CAST: variants seen among roughly 807,000 people sequenced by gnomAD.
CAST encodes the protein calpastatin.
In CAST, 76 loss-of-function variants were observed where a neutral mutation model predicts 119.6. The ratio of observed to expected loss-of-function variants is 0.64; its 90% CI spans 0.53 to 0.77. The LOEUF is 0.77. CAST is among the 30% of genes least tolerant of loss of function. CAST has a pLI of 0.00. For synonymous variants in CAST, 319 were observed against 331.6 expected (o/e 0.96, Z 0.41); for missense variants, 953 against 946.5 (o/e 1.01, Z -0.09).
the CAST span, among the ~76,000 whole-genome samples, chr5:96,486,901 A>G: frequency 6.6e-6 from 1 of 152,100 alleles, no homozygotes; most frequent in African/African-American, 2.4e-5. Context: ...AAAGAGAAGC[A>G]CAAGGCCAAA....
the CAST span, among the ~76,000 whole-genome samples, chr5:96,286,734 A>T: frequency 6.6e-6 from 1 of 152,114 alleles, no homozygotes; most frequent in Non-Finnish European, 1.5e-5. Context: ...CCTGAAATCC[A>T]ATTTATGGTC....
intron 1 of CAST, among the ~76,000 whole-genome samples, chr5:96,607,026 C>T (rs1747270135): frequency 6.6e-6 from 1 of 152,192 alleles, no homozygotes; most frequent in African/African-American, 2.4e-5. Flanking sequence ...CGGTAGCTCA[C>T]GCCTGTAATC....
chr5:96,664,359 ATG>A (rs750131994), intron 1 of CAST, among the ~76,000 whole-genome samples: 7 of 151,590 alleles, frequency 4.6e-5, no homozygotes, highest in Non-Finnish European at 7.4e-5. Flanking sequence ...ATGTAAATAT[ATG>A]TGTGTGTGCA....
the CAST span, among the ~76,000 whole-genome samples, chr5:96,509,986 A>T: frequency 6.6e-6 from 1 of 152,182 alleles, no homozygotes; most frequent in South Asian, 2.1e-4. Context: ...GACTTTTATA[A>T]CGTTGTGGAT....
At chr5:96,227,721 G>T in the CAST span, among the ~76,000 whole-genome samples, 1 of 152,108 alleles carries the variant, frequency 6.6e-6, no homozygotes, top group Non-Finnish European at 1.5e-5. Context: ...AAAATTACAT[G>T]GTAGCCTGGA....
the CAST span, among the ~76,000 whole-genome samples, chr5:96,075,476 T>C: frequency 6.6e-6 from 1 of 152,194 alleles, no homozygotes; most frequent in East Asian, 1.9e-4. Flanking sequence ...TCAATAATTA[T>C]GTAATTAATT....
At chr5:96,710,868 TAA>T (rs575756523) in intron 3 of CAST, among the ~76,000 whole-genome samples, 3 of 145,220 alleles carry the variant, frequency 2.1e-5, no homozygotes, top group East Asian at 2.0e-4. Context: ...CCACATCACT[TAA>T]AAAAAAAAAA....
At chr5:96,676,359 G>A (rs1389991414) in intron 2 of CAST, among the ~76,000 whole-genome samples, 2 of 152,190 alleles carry the variant, frequency 1.3e-5, no homozygotes, top group African/African-American at 4.8e-5. Context: ...AATTTGGAAA[G>A]CATCAAGTGA....
intron 3 of CAST, among the ~76,000 whole-genome samples, chr5:96,702,168 G>A (rs1001762423): frequency 2.0e-5 from 3 of 151,968 alleles, no homozygotes; most frequent in Non-Finnish European, 2.9e-5. Flanking sequence ...GTTGGTGTAC[G>A]GCTTTTCATT....
Position 96,774,442 on chromosome 5 carries a change from TAC to T in CAST, c.*1828_*1829del. On this transcript the variant is annotated 3_prime_UTR_variant, in exon 32 of 32. Coordinates refer to ENST00000675179, the MANE Select transcript of CAST (RefSeq NM_001750.7). Reference sequence around the variant, plus strand: ...CTACAGGATCTAAAGCAGCCCTTTTTACAGTCTAGTTAGGAGAGAGAAAATAA... The same window carrying T: ...CTACAGGATCTAAAGCAGCCCTTTTTAGTCTAGTTAGGAGAGAGAAAATAA... The T allele has an allele frequency of 1.1e-6, 1 of 911,932 alleles. No individual in the cohort carries two copies. Among genetic ancestry groups the T allele is most frequent in the Non-Finnish European group, 1.3e-6 (1 of 760,966 alleles). 56.5% of individuals were successfully genotyped at this position (911,932 alleles called of 1,614,324 possible). A position where few individuals can be genotyped will look rare whatever the true frequency, so the allele number is the denominator to read the frequency against.
At chr5:96,005,635 G>A in the CAST span, among the ~76,000 whole-genome samples, 6 of 152,118 alleles carry the variant, frequency 3.9e-5, no homozygotes, top group East Asian at 3.9e-4. Context: ...TATCAGTTAC[G>A]TTGATTAAAA....
At chr5:96,371,085 A>C in the CAST span, among the ~76,000 whole-genome samples, 3 of 152,212 alleles carry the variant, frequency 2.0e-5, no homozygotes, top group South Asian at 2.1e-4. Flanking sequence ...CCAGTTACAA[A>C]GGAAACAGCT....
the CAST span, among the ~76,000 whole-genome samples, chr5:96,061,949 C>G: frequency 6.7e-4 from 102 of 152,226 alleles, no homozygotes; most frequent in Non-Finnish European, 1.2e-3. Flanking sequence ...AATCTCCATT[C>G]CCATTATGCA....
At chr5:96,412,752 G>GTTTTGTTTTTTTTT in the CAST span, among the ~76,000 whole-genome samples, 9 of 71,810 alleles carry the variant, frequency 1.3e-4, no homozygotes, top group African/African-American at 7.2e-4. Context: ...CAGCTGTGAT[G>GTTTTGTTTTTTTTT]TTTTTTTTTT....
the CAST span, among the ~76,000 whole-genome samples, chr5:96,216,657 C>G: frequency 6.6e-6 from 1 of 152,234 alleles, no homozygotes; most frequent in East Asian, 1.9e-4. Context: ...TTTTTAAAAT[C>G]AGGAAGTCTT....
chr5:96,246,942 G>T, the CAST span, among the ~76,000 whole-genome samples: 2 of 152,136 alleles, frequency 1.3e-5, no homozygotes, highest in African/African-American at 4.8e-5. Flanking sequence ...TCTTTTCATA[G>T]CAAGCATTAA....
the CAST span, among the ~76,000 whole-genome samples, chr5:96,400,744 T>G: frequency 6.6e-6 from 1 of 152,210 alleles, no homozygotes; most frequent in Non-Finnish European, 1.5e-5. Flanking sequence ...TGCAAGGCAC[T>G]ATGCTAATAC....
chr5:96,040,510 T>C, the CAST span, among the ~76,000 whole-genome samples: 2 of 152,152 alleles, frequency 1.3e-5, no homozygotes, highest in East Asian at 3.9e-4. Flanking sequence ...GCTGTAGGTT[T>C]GTCCTAAATA....
At chr5:96,478,839 G>A in the CAST span, among the ~76,000 whole-genome samples, 2 of 152,072 alleles carry the variant, frequency 1.3e-5, no homozygotes, top group African/African-American at 2.4e-5. Context: ...AGCTCAACTC[G>A]GCCACTGCAT....
Sources: allele counts gnomAD v4.1 joint callset (sites outside exome capture counted in the v4.1 genomes callset), GRCh38; gene constraint gnomAD v4.1.1; transcripts MANE v1.5; gene names NCBI Gene and HGNC (gene_info 2026-07-23, HGNC 2026-07-21).